The following CALN1 variants were observed in gnomAD, a reference collection of about 807,000 sequenced individuals.
CALN1 encodes the protein calneuron 1.
CALN1 carries 17 observed loss-of-function variants against 30.6 expected under a neutral mutation model. The observed-to-expected ratio is 0.56, with a 90% CI of 0.38 to 0.83. The LOEUF (loss-of-function observed/expected upper bound fraction) is 0.83, where lower values mean the gene tolerates loss of function less well. Ranked by LOEUF, CALN1 falls within the 40% of genes least tolerant of loss-of-function variation. The pLI is 0.00. For missense variants in CALN1, 291 were observed against 354.9 expected, an observed-to-expected ratio of 0.82 and a Z score of 1.45; for synonymous variants, 156 against 131.4, an observed-to-expected ratio of 1.19 and a Z score of -1.28.
chr7:72,368,045 C>T (rs989910896), intron 2 of CALN1, among the ~76,000 whole-genome samples: 2 of 151,864 alleles, frequency 1.3e-5, no homozygotes, highest in African/African-American at 4.8e-5. Context: ...GGCATGAACC[C>T]GGGAGGCAGA....
chr7:72,170,370 T>C (rs1299217190), intron 3 of CALN1, among the ~76,000 whole-genome samples: 2 of 152,184 alleles, frequency 1.3e-5, no homozygotes, highest in African/African-American at 4.8e-5. Flanking sequence ...AGAAAGCATT[T>C]CCTATTCATT....
chr7:72,356,836 G>A (rs986956371), intron 2 of CALN1, among the ~76,000 whole-genome samples: 4 of 152,000 alleles, frequency 2.6e-5, no homozygotes, highest in Non-Finnish European at 4.4e-5. Context: ...GTCTGGGCAT[G>A]TTGAAACGGA....
chr7:72,258,744 C>G (rs528110461), intron 3 of CALN1, among the ~76,000 whole-genome samples: 132 of 151,852 alleles, frequency 8.7e-4, no homozygotes, highest in African/African-American at 3.2e-3. Flanking sequence ...ATGGTGAAAC[C>G]CTGTCTCTAC....
intron 2 of CALN1, among the ~76,000 whole-genome samples, chr7:72,324,753 TG>T (rs1335735499): frequency 6.6e-6 from 1 of 151,988 alleles, no homozygotes; most frequent in Non-Finnish European, 1.5e-5. Context: ...GGCTAATTTT[TG>T]TATTTTTTTG....
intron 1 of CALN1, among the ~76,000 whole-genome samples, chr7:72,410,978 TTA>T (rs1807094315): frequency 6.6e-6 from 1 of 152,270 alleles, no homozygotes; most frequent in East Asian, 1.9e-4. Flanking sequence ...GGTGATATGA[TTA>T]TATGTATGGA....
At chr7:72,283,206 G>A (rs1370687541) in intron 2 of CALN1, among the ~76,000 whole-genome samples, 1 of 151,980 alleles carries the variant, frequency 6.6e-6, no homozygotes, top group Non-Finnish European at 1.5e-5. Context: ...ATATACTGAA[G>A]AGAATAGTAC....
At chr7:71,819,399 T>C (rs993697754) in intron 5 of CALN1, among the ~76,000 whole-genome samples, 1 of 151,884 alleles carries the variant, frequency 6.6e-6, no homozygotes, top group Non-Finnish European at 1.5e-5. Flanking sequence ...CATGTTGGTT[T>C]CACCATGTTG....
At chr7:72,487,947 AAGG>A in the CALN1 span, among the ~76,000 whole-genome samples, 4 of 63,418 alleles carry the variant, frequency 6.3e-5, no homozygotes, top group African/African-American at 2.5e-4. Context: ...GGAAGGAAGG[AAGG>A]AAGGAAAGGA....
At chr7:72,201,077 T>C (rs1791382680) in intron 3 of CALN1, among the ~76,000 whole-genome samples, 1 of 152,200 alleles carries the variant, frequency 6.6e-6, no homozygotes, top group East Asian at 1.9e-4. Flanking sequence ...ATACACACCA[T>C]GACATACTAT....
At chr7:72,207,181 A>G (rs545259258) in intron 3 of CALN1, among the ~76,000 whole-genome samples, 1 of 152,198 alleles carries the variant, frequency 6.6e-6, no homozygotes, top group East Asian at 1.9e-4. Flanking sequence ...ACATTTACGC[A>G]TCCTCCCACT....
chr7:72,336,674 G>T lies in CALN1; in HGVS notation c.120-57864C>A, dbSNP rs1037152455. On this transcript the variant is annotated intron_variant, in intron 2 of 6. Coordinates refer to ENST00000395275, the MANE Select transcript of CALN1 (RefSeq NM_031468.4). ...AGAAGAAAAGAGAGCGCGCGCGCGG[G>T]TAAGCTAGGGAGCCGGCGGCGGCAC... 9 of 984,852 alleles carry T rather than the reference G, an allele frequency of 9.1e-6. No individual in the cohort carries two copies. The African/African-American group carries it at 1.2e-4, about 13-fold the overall frequency. The allele number at this position is 984,852 out of a possible 1,614,324, so 61.0% of individuals were successfully genotyped here. A position where few individuals can be genotyped will look rare whatever the true frequency, so the allele number is the denominator to read the frequency against.
the CALN1 span, among the ~76,000 whole-genome samples, chr7:72,463,521 C>A: frequency 6.6e-6 from 1 of 152,120 alleles, no homozygotes; most frequent in Non-Finnish European, 1.5e-5. Context: ...GTACTCCCCC[C>A]AACATTGGAG....
At chr7:72,365,006 C>T (rs1220140968) in intron 2 of CALN1, among the ~76,000 whole-genome samples, 1 of 151,494 alleles carries the variant, frequency 6.6e-6, no homozygotes, top group Non-Finnish European at 1.5e-5. Flanking sequence ...CCAGTCTCTA[C>T]TAAAAATATA....
the CALN1 span, among the ~76,000 whole-genome samples, chr7:72,499,764 A>C: frequency 4.3e-5 from 6 of 140,264 alleles, no homozygotes; most frequent in Non-Finnish European, 6.2e-5. Context: ...CTTCCGCAAA[A>C]CTTTCTTTCT....
intron 5 of CALN1, among the ~76,000 whole-genome samples, chr7:71,972,015 G>GAAA (rs1254925029): frequency 9.9e-4 from 135 of 136,316 alleles, no homozygotes; most frequent in Admixed American, 3.2e-3. Flanking sequence ...AAAAAAGAAA[G>GAAA]AAAAGAAAGA....
At chr7:72,175,960 A>T (rs1341183843) in intron 3 of CALN1, among the ~76,000 whole-genome samples, 3 of 152,138 alleles carry the variant, frequency 2.0e-5, no homozygotes, top group African/African-American at 7.2e-5. Flanking sequence ...ATAAAAAAAA[A>T]ACTAAATGCA....
intron 4 of CALN1, among the ~76,000 whole-genome samples, chr7:72,086,881 TTAAA>T (rs1805519426): frequency 6.6e-6 from 1 of 152,098 alleles, no homozygotes; most frequent in Admixed American, 6.6e-5. Context: ...GTAAATTCAA[TTAAA>T]TAAGGGTCAA....
At chr7:71,879,055 T>C (rs1562866107) in intron 5 of CALN1, among the ~76,000 whole-genome samples, 1 of 152,184 alleles carries the variant, frequency 6.6e-6, no homozygotes, top group Non-Finnish European at 1.5e-5. Context: ...ATTTTTATTG[T>C]CTAAGAGTGA....
At chr7:71,944,096 TTCGCCA>T (rs1796275584) in intron 5 of CALN1, among the ~76,000 whole-genome samples, 2 of 152,120 alleles carry the variant, frequency 1.3e-5, no homozygotes, top group African/African-American at 4.8e-5. Context: ...GCAGTGAGCT[TTCGCCA>T]TCTTCCTTCT....
Sources: gnomAD v4.1 joint callset for allele counts (sites outside exome capture counted in the v4.1 genomes callset) on GRCh38, gnomAD v4.1.1 for gene constraint, MANE v1.5 for transcripts, NCBI Gene and HGNC (gene_info 2026-07-23, HGNC 2026-07-21) for gene names.